SRPRA: variants seen among roughly 807,000 people sequenced by gnomAD.
The protein encoded by SRPRA is SRP receptor subunit alpha.
In SRPRA, 30 loss-of-function variants were observed where a neutral mutation model predicts 61.1. The observed-to-expected ratio is 0.49, with a 90% CI of 0.37 to 0.67. SRPRA has a LOEUF of 0.67. Ranked by LOEUF, SRPRA falls within the 30% of genes least tolerant of loss-of-function variation. The probability of loss-of-function intolerance (pLI) is 0.00; values close to 1 mark genes in which losing one functional copy is unlikely to be tolerated. For missense variants in SRPRA, 759 were observed against 828.4 expected (o/e 0.92, Z 1.03); for synonymous variants, 324 against 299.7 (o/e 1.08, Z -0.84).
the SRPRA span, among the ~76,000 whole-genome samples, chr11:126,243,039 T>G: frequency 6.6e-6 from 1 of 152,172 alleles, no homozygotes; most frequent in South Asian, 2.1e-4. Flanking sequence ...AGGAATGAAG[T>G]GCTCGTCCCA....
chr11:126,268,122 C>T, intron 1 of SRPRA, 36 bp from the exon 2 acceptor site: 3 of 1,594,464 alleles, frequency 1.9e-6, no homozygotes, highest in Non-Finnish European at 2.6e-6. Context: ...TCAGACTATC[C>T]CCAGAAAACC....
chr11:126,266,076 G>T lies in SRPRA; in HGVS notation c.938C>A (p.Thr313Asn). ...AAACATGCCACCCAGTGTTCCCTTG[G>T]TCGCACTGCAGGGACAGGAGATTAC... ...AAQNSTKPSATKGTLGGMFGM... is the reference protein window; with the variant it reads ...AAQNSTKPSANKGTLGGMFGM... The change falls in exon 8 of 14, where the codon ACC (threonine) becomes AAC (asparagine). Residue 313 changes from threonine (T) to asparagine (N), a missense_variant. Around this residue, in one of 2 missense-constraint regions of SRPRA, gnomAD observed 475 missense variants for 462.5 expected, o/e 1.03. Transcript: ENST00000332118. 6.2e-7 allele frequency: 1 copy of T among 1,614,040 alleles called. No individual in the cohort carries two copies. Among genetic ancestry groups the T allele is most frequent in the East Asian group, 2.2e-5 (1 of 44,880 alleles).
At chr11:126,268,493 C>A (rs1038067098) in intron 1 of SRPRA, among the ~76,000 whole-genome samples, 195 bp downstream of exon 1, 1 of 150,294 alleles carries the variant, frequency 6.7e-6, no homozygotes, top group Admixed American at 6.7e-5. Context: ...GTTGAGACAC[C>A]AGAGGCGGGG....
the SRPRA span, among the ~76,000 whole-genome samples, chr11:126,236,485 G>T: frequency 5.9e-5 from 9 of 151,576 alleles, no homozygotes; most frequent in Non-Finnish European, 1.3e-4. Context: ...TTTCATTTTT[G>T]TTGTTGTTGT....
At chr11:126,240,823 C>A in the SRPRA span, 1 of 1,608,838 alleles carries the variant, frequency 6.2e-7, no homozygotes, top group Non-Finnish European at 8.5e-7. Context: ...AACTAAGAAG[C>A]CTCGAGAACT....
Position 126,268,676 on chromosome 11 carries a change from C to A in SRPRA, c.117+12G>T. 6.2e-7 allele frequency: 1 copy of A among 1,609,574 alleles called. No homozygotes were observed. The highest frequency in any genetic ancestry group is 8.5e-7 in the Non-Finnish European group (1 of 1,176,350). On this transcript the variant is annotated intron_variant, in intron 1 of 13. Coordinates refer to ENST00000332118, the MANE Select transcript of SRPRA (RefSeq NM_003139.4). The stretch of plus-strand genomic sequence containing the variant: ...AGAAGAGCCTGGAGTTCTGATCCCA[C>A]GGGGACGGTACCTGCAGCAGCACGG...
At position 126,265,691 on chromosome 11, in the gene SRPRA, C is replaced by T; in HGVS notation, c.1138+46G>A. Reference sequence around the variant, plus strand: ...TACCTAGTAAGAACTGAGGTCTATGCACTTAACCTACACATAAGCACTTTC... The same window carrying T: ...TACCTAGTAAGAACTGAGGTCTATGTACTTAACCTACACATAAGCACTTTC... On this transcript the variant is annotated intron_variant, in intron 9 of 13. Coordinates refer to ENST00000332118, the MANE Select transcript of SRPRA (RefSeq NM_003139.4). The surrounding 1 kb of genome is among the most constrained non-coding windows in gnomAD (Gnocchi z 6.3). 6.3e-7 allele frequency: 1 copy of T among 1,593,850 alleles called. No individual in the cohort carries two copies. Among genetic ancestry groups the T allele is most frequent in the Non-Finnish European group, 8.6e-7 (1 of 1,162,186 alleles).
chr11:126,263,811 GTA>G lies in SRPRA; in HGVS notation c.*103_*104del. On this transcript the variant is annotated 3_prime_UTR_variant, in exon 14 of 14. Transcript: ENST00000332118. ...CCACAAGCCCCCTCACTCTGCCTTTGTACTACACTGAAGACAGGTTGCTCACA... is the reference window on the plus strand; with the variant it reads ...CCACAAGCCCCCTCACTCTGCCTTTGCTACACTGAAGACAGGTTGCTCACA... 1.5e-5 allele frequency: 23 copies of G among 1,504,720 alleles called. No individual in the cohort carries two copies. Among genetic ancestry groups the G allele is most frequent in the Non-Finnish European group, 2.1e-5 (23 of 1,113,402 alleles). The allele number at this position is 1,504,720 out of a possible 1,614,324, so 93.2% of individuals were successfully genotyped here. A position where few individuals can be genotyped will look rare whatever the true frequency, so the allele number is the denominator to read the frequency against.
chr11:126,255,622 A>G, the SRPRA span, among the ~76,000 whole-genome samples: 1 of 152,214 alleles, frequency 6.6e-6, no homozygotes, highest in South Asian at 2.1e-4. This position sits in a 1 kb window ranked among gnomAD's most constrained non-coding sequence, Gnocchi z 4.6. Flanking sequence ...CCAGAAATGG[A>G]AGGATTAAGA....
the SRPRA span, among the ~76,000 whole-genome samples, chr11:126,247,746 T>C: frequency 6.6e-6 from 1 of 151,300 alleles, no homozygotes; most frequent in Non-Finnish European, 1.5e-5. Context: ...TAATCCCAGC[T>C]ACTCGGGAGG....
chr11:126,247,592 G>A, the SRPRA span, among the ~76,000 whole-genome samples: 2 of 152,046 alleles, frequency 1.3e-5, no homozygotes, highest in Admixed American at 1.3e-4. Context: ...CAGCGCGGTG[G>A]CTCACGCCTG....
In SRPRA at chr11:126,265,842, G is replaced by A; in HGVS notation, c.1052-19C>T. ...TTCTTAGCTGAGGAGAGGGGGACAG[G>A]TATGTCAGTTCCATGTCAGCAATGA... On this transcript the variant is annotated intron_variant, in intron 8 of 13. Transcript: ENST00000332118. This position sits in a 1 kb window ranked among gnomAD's most constrained non-coding sequence, Gnocchi z 6.3. 6.2e-7 allele frequency: 1 copy of A among 1,614,064 alleles called. No homozygotes were observed. The highest frequency in any genetic ancestry group is 8.5e-7 in the Non-Finnish European group (1 of 1,179,880).
Position 126,268,877 on chromosome 11 carries a change from C to G in SRPRA, c.-73G>C. The G allele has an allele frequency of 7.8e-7, 1 of 1,284,604 alleles. No individual in the cohort carries two copies. Among genetic ancestry groups the G allele is most frequent in the South Asian group, 1.2e-5 (1 of 82,112 alleles). 79.6% of individuals were successfully genotyped at this position (1,284,604 alleles called of 1,614,324 possible). On this transcript the variant is annotated 5_prime_UTR_variant, in exon 1 of 14. Coordinates refer to ENST00000332118, the MANE Select transcript of SRPRA (RefSeq NM_003139.4). ...CGTTCGCCGCCGCTTCCTGCTGCGC[C>G]AAGCGCGGGACACGTCACACCAGTG...
At chr11:126,255,784 C>T in the SRPRA span, among the ~76,000 whole-genome samples, 3 of 151,792 alleles carry the variant, frequency 2.0e-5, no homozygotes, top group African/African-American at 7.3e-5. The surrounding 1 kb of genome is among the most constrained non-coding windows in gnomAD (Gnocchi z 4.6). Flanking sequence ...GAAACCCTGT[C>T]TCTACTAAAA....
In SRPRA at chr11:126,268,826, G is replaced by A. The variant is rs1322085549; in HGVS notation, c.-22C>T. ...GCATGGCGGCAGCGGCAGAGGAGCTGGGGCCGGCGCCGGGAATTCAGGCCG... is the reference window on the plus strand; with the variant it reads ...GCATGGCGGCAGCGGCAGAGGAGCTAGGGCCGGCGCCGGGAATTCAGGCCG... On this transcript the variant is annotated 5_prime_UTR_variant, in exon 1 of 14. Transcript: ENST00000332118. 6.2e-7 allele frequency: 1 copy of A among 1,600,546 alleles called. No individual in the cohort carries two copies.
rs763545660 is a variant in SRPRA, at chr11:126,264,194, G to A, written c.1785C>T (p.Asp595=). 1 of 1,613,988 alleles carries A rather than the reference G, an allele frequency of 6.2e-7. No homozygotes were observed. Among genetic ancestry groups the A allele is most frequent in the Non-Finnish European group, 8.5e-7 (1 of 1,179,948 alleles). The change falls in exon 13 of 14, where the codon GAC becomes GAT. Residue 595 remains aspartate (D), a synonymous_variant. Transcript: ENST00000332118. The surrounding 1 kb of genome is among the most constrained non-coding windows in gnomAD (Gnocchi z 5.0). ...IVLTKFDTID[D]KVGAAISMTY... ...CAGCCTCCAGTCTCACGTTTACCTTGTCATCAATGGTATCAAATTTGGTAA... is the reference window on the plus strand; with the variant it reads ...CAGCCTCCAGTCTCACGTTTACCTTATCATCAATGGTATCAAATTTGGTAA...
chr11:126,256,776 CT>C, the SRPRA span: 9 of 1,614,060 alleles, frequency 5.6e-6, no homozygotes, highest in East Asian at 6.7e-5. The surrounding 1 kb of genome is among the most constrained non-coding windows in gnomAD (Gnocchi z 6.6). Flanking sequence ...AAGTCATCTC[CT>C]ATGGAGATGA....
Position 126,263,728 on chromosome 11 carries a change from G to C in SRPRA, c.*188C>G, listed in dbSNP as rs915405359. The C allele has an allele frequency of 1.2e-6, 1 of 802,950 alleles. No individual in the cohort carries two copies. Among genetic ancestry groups the C allele is most frequent in the African/African-American group, 1.7e-5 (1 of 58,224 alleles). The allele number at this position is 802,950 out of a possible 1,614,324, so 49.7% of individuals were successfully genotyped here. The stretch of plus-strand genomic sequence containing the variant: ...GGTCAGTGGGCAGTGATTGTAACAT[G>C]ATTAGGCCTTCCTTGCAGATGGCGG... On this transcript the variant is annotated 3_prime_UTR_variant, in exon 14 of 14. Transcript: ENST00000332118.
At chr11:126,251,870 C>T in the SRPRA span, among the ~76,000 whole-genome samples, 1,086 of 151,494 alleles carry the variant, frequency 7.2e-3, 15 homozygotes, top group African/African-American at 0.025. Context: ...TTGGTAGAGA[C>T]GGGGTTTCTC....
Sources: gnomAD v4.1 joint callset for allele counts (sites outside exome capture counted in the v4.1 genomes callset) on GRCh38, gnomAD v4.1.1 for gene constraint, gnomAD v4.1.1 regional missense constraint, Gnocchi (gnomAD v3.1) non-coding constraint, MANE v1.5 for transcripts, NCBI Gene and HGNC (gene_info 2026-07-23, HGNC 2026-07-21) for gene names.